Variants in PKHD1 observed in about 807,000 individuals in gnomAD.
The protein encoded by PKHD1 is fibrocystin.
In PKHD1, 291 loss-of-function variants were observed where a neutral mutation model predicts 412.0. That is an observed-to-expected ratio of 0.71 (90% CI 0.64 to 0.78). The LOEUF is 0.78. PKHD1 is among the 30% of genes least tolerant of loss of function. PKHD1 has a pLI of 0.00. For synonymous variants in PKHD1, 1,777 were observed against 1,821.5 expected (o/e 0.98, Z 0.62); for missense variants, 4,825 against 4,950.7 (o/e 0.97, Z 0.76).
At chr6:51,858,598 T>A (rs531014617) in intron 48 of PKHD1, among the ~76,000 whole-genome samples, 9 of 152,220 alleles carry the variant, frequency 5.9e-5, no homozygotes, top group Admixed American at 5.9e-4. Flanking sequence ...CTGAGACATA[T>A]GGGCTTGGAT....
intron 19 of PKHD1, among the ~76,000 whole-genome samples, chr6:52,055,264 G>A (rs1807532753): frequency 6.6e-6 from 1 of 152,206 alleles, no homozygotes; most frequent in African/African-American, 2.4e-5. Flanking sequence ...GGTACATTGG[G>A]TGTGGAATCA....
At position 52,084,964 on chromosome 6, in the gene PKHD1, T is replaced by A. The variant is rs1262404935; in HGVS notation, c.-31A>T. 7 of 1,456,404 alleles carry A rather than the reference T, an allele frequency of 4.8e-6. No individual in the cohort carries two copies. Among genetic ancestry groups the A allele is most frequent in the Non-Finnish European group, 6.8e-6 (7 of 1,036,224 alleles). 90.2% of individuals were successfully genotyped at this position (1,456,404 alleles called of 1,614,324 possible). On this transcript the variant is annotated 5_prime_UTR_variant, in exon 2 of 67. Coordinates refer to ENST00000371117, the MANE Select transcript of PKHD1 (RefSeq NM_138694.4). ...CCACTTAAATCAATACTCTTAAGATTGCTCAGACATTAAAAGCATTTTCAG... is the reference window on the plus strand; with the variant it reads ...CCACTTAAATCAATACTCTTAAGATAGCTCAGACATTAAAAGCATTTTCAG...
chr6:51,882,424 T>C (rs185938713), intron 46 of PKHD1, among the ~76,000 whole-genome samples: 1 of 152,338 alleles, frequency 6.6e-6, no homozygotes, highest in African/African-American at 2.4e-5. Context: ...AATGGAAGTA[T>C]AAGAATCAAA....
rs115529248 is a variant in PKHD1, at chr6:51,992,240, G to T, written c.5751+18069C>A. On this transcript the variant is annotated intron_variant, in intron 35 of 66. Transcript: ENST00000371117. Reference sequence around the variant, plus strand: ...ATGTTACCCCTTCCCATTATTATTAGTAGTAGTAGTAGTTCTTTACAATAA... The same window carrying T: ...ATGTTACCCCTTCCCATTATTATTATTAGTAGTAGTAGTTCTTTACAATAA... 8.9e-3 allele frequency among the ~76,000 whole-genome samples: 1,361 copies of T among 152,226 alleles called. 13 individuals are homozygous for T. Among genetic ancestry groups the T allele is most frequent in the African/African-American group, 0.027 (1,115 of 41,536 alleles).
chr6:51,913,418 T>C (rs916476975), intron 37 of PKHD1, among the ~76,000 whole-genome samples: 1 of 152,056 alleles, frequency 6.6e-6, no homozygotes, highest in East Asian at 1.9e-4. Context: ...TGCTAATCTC[T>C]AATTATCAAA....
intron 60 of PKHD1, among the ~76,000 whole-genome samples, chr6:51,712,038 A>C (rs1780720821): frequency 6.6e-6 from 1 of 152,192 alleles, no homozygotes; most frequent in African/African-American, 2.4e-5. Flanking sequence ...GATCACAGTA[A>C]AATAATAAGC....
At chr6:52,044,766 T>C (rs562148380) in intron 25 of PKHD1, among the ~76,000 whole-genome samples, 200 bp downstream of exon 25, 2 of 152,226 alleles carry the variant, frequency 1.3e-5, no homozygotes, top group African/African-American at 4.8e-5. Flanking sequence ...TAGAATATTG[T>C]GGTTACAAGG....
At chr6:52,010,036 A>C (rs987896243) in intron 35 of PKHD1, among the ~76,000 whole-genome samples, 3 of 152,116 alleles carry the variant, frequency 2.0e-5, no homozygotes, top group African/African-American at 7.2e-5. Context: ...AAACATGCAT[A>C]CAGAAATCAG....
intron 46 of PKHD1, among the ~76,000 whole-genome samples, chr6:51,882,528 A>G (rs1431471731): frequency 6.6e-6 from 1 of 152,212 alleles, no homozygotes; most frequent in Non-Finnish European, 1.5e-5. Flanking sequence ...GATTTCCATA[A>G]TGATGTGATG....
intron 51 of PKHD1, 114 bp from the exon 52 acceptor site, chr6:51,831,103 T>C (rs1196426200): frequency 2.7e-6 from 2 of 749,392 alleles, no homozygotes; most frequent in Non-Finnish European, 4.6e-6. Context: ...TGCCTATCAA[T>C]ATTTTATAAG....
chr6:52,023,306 G>C (rs374564229), intron 32 of PKHD1, among the ~76,000 whole-genome samples: 28 of 152,232 alleles, frequency 1.8e-4, no homozygotes, highest in East Asian at 7.7e-4. Context: ...CCCAGGTATA[G>C]AGTTTCTTAT....
At chr6:51,648,688 A>G (rs1465291254) in intron 62 of PKHD1, among the ~76,000 whole-genome samples, 1 of 152,206 alleles carries the variant, frequency 6.6e-6, no homozygotes, top group Non-Finnish European at 1.5e-5. Flanking sequence ...TATAAGAGAG[A>G]TTATTTTAAA....
At chr6:51,892,555 G>A (rs919742848) in intron 43 of PKHD1, among the ~76,000 whole-genome samples, 10 of 152,106 alleles carry the variant, frequency 6.6e-5, no homozygotes, top group Non-Finnish European at 1.0e-4. Context: ...CAATATTGAC[G>A]TAGTTGAGAA....
At chr6:51,743,191 A>G (rs1435067828) in intron 60 of PKHD1, among the ~76,000 whole-genome samples, 1 of 152,210 alleles carries the variant, frequency 6.6e-6, no homozygotes, top group African/African-American at 2.4e-5. Context: ...CTACAAAAGT[A>G]GAAGAAAGAA....
At chr6:51,711,379 G>A (rs931759533) in intron 60 of PKHD1, among the ~76,000 whole-genome samples, 1 of 152,088 alleles carries the variant, frequency 6.6e-6, no homozygotes, top group Non-Finnish European at 1.5e-5. Flanking sequence ...GTTTTCAGTG[G>A]CATTCAGGAC....
At chr6:52,038,175 T>A (rs1193082933) in intron 27 of PKHD1, among the ~76,000 whole-genome samples, 2 of 151,082 alleles carry the variant, frequency 1.3e-5, no homozygotes. Flanking sequence ...AGGTCAGGAG[T>A]TCGAGACCAG....
At chr6:51,832,595 G>C (rs565801097) in intron 51 of PKHD1, among the ~76,000 whole-genome samples, 8 of 152,160 alleles carry the variant, frequency 5.3e-5, no homozygotes, top group African/African-American at 1.9e-4. Context: ...GTCTCCAGAT[G>C]GAGCTATACA....
chr6:51,925,623 A>G (rs1719994086), intron 37 of PKHD1, among the ~76,000 whole-genome samples: 1 of 152,176 alleles, frequency 6.6e-6, no homozygotes, highest in Non-Finnish European at 1.5e-5. Context: ...GAACTGAGAC[A>G]TTGGTCTTAT....
chr6:51,947,410 C>T (rs1284343618), intron 36 of PKHD1, among the ~76,000 whole-genome samples: 2 of 152,162 alleles, frequency 1.3e-5, no homozygotes, highest in African/African-American at 4.8e-5. Flanking sequence ...GTGCTAGTAA[C>T]TCATAAAAGA....
Sources: allele counts gnomAD v4.1 joint callset (sites outside exome capture counted in the v4.1 genomes callset), GRCh38; gene constraint gnomAD v4.1.1; transcripts MANE v1.5; gene names NCBI Gene and HGNC (gene_info 2026-07-23, HGNC 2026-07-21).